Variants in LRP8 observed in about 807,000 individuals in gnomAD.
The protein encoded by LRP8 is LDL receptor related protein 8.
Under a neutral mutation model 111.6 loss-of-function variants are expected in LRP8, and 46 were observed. That is an observed-to-expected ratio of 0.41 (90% CI 0.33 to 0.53). The LOEUF (loss-of-function observed/expected upper bound fraction) is 0.53. Among genes scored for constraint, LRP8 ranks in the 20% least tolerant of loss-of-function variants. The probability of loss-of-function intolerance (pLI) is 0.20; values close to 1 mark genes in which losing one functional copy is unlikely to be tolerated. For synonymous variants in LRP8, 464 were observed against 511.2 expected (o/e 0.91, Z 1.24); for missense variants, 959 against 1,297.4 (o/e 0.74, Z 4.01).
intron 4 of LRP8, among the ~76,000 whole-genome samples, chr1:53,277,856 C>A (rs1646978361): frequency 6.6e-6 from 1 of 152,240 alleles, no homozygotes; most frequent in Non-Finnish European, 1.5e-5. Context: ...AGAATCCACA[C>A]TGCCTGGGGG....
At chr1:53,323,087 G>A (rs935196681) in intron 2 of LRP8, among the ~76,000 whole-genome samples, 8 of 152,254 alleles carry the variant, frequency 5.3e-5, no homozygotes, top group African/African-American at 1.4e-4. Context: ...AGGAGGAAGC[G>A]AGGTGGAGTA....
intron 2 of LRP8, among the ~76,000 whole-genome samples, chr1:53,296,444 C>T (rs1189878454): frequency 6.6e-6 from 1 of 152,202 alleles, no homozygotes; most frequent in Non-Finnish European, 1.5e-5. Flanking sequence ...CTGGCTCTGG[C>T]CCTAAGGCAG....
rs142333579 is a variant in LRP8, at chr1:53,262,488, G to A, written c.1732C>T (p.Leu578=). 6.2e-7 allele frequency: 1 copy of A among 1,614,068 alleles called. No individual in the cohort carries two copies. The highest frequency in any genetic ancestry group is 1.3e-5 in the African/African-American group (1 of 74,914). The change falls in exon 11 of 19, where the codon CTG becomes TTG. Residue 578 remains leucine (L), a synonymous_variant. Coordinates refer to ENST00000306052, the MANE Select transcript of LRP8 (RefSeq NM_004631.5). This position sits in a 1 kb window ranked among gnomAD's most constrained non-coding sequence, Gnocchi z 4.8. ...SGLNGVDRQT[L]VSDNIEWPNG... is the part of the protein sequence containing the mutation. ...GGCCATTCAATATTGTCTGACACCA[G>A]TGTTTGCCGGTCCACACCGTTGAGC...
At chr1:53,307,317 C>G (rs193008864) in intron 2 of LRP8, 1 of 152,274 alleles carries the variant, frequency 6.6e-6, no homozygotes, top group African/African-American at 2.4e-5. Flanking sequence ...ACTTGCCACA[C>G]TTACCCCGTC....
In LRP8 at chr1:53,317,696, T is replaced by G. The variant is rs978139065; in HGVS notation, c.244+9177A>C. Reference sequence around the variant, plus strand: ...AGGGCCAGGCTCTGGGCAAAGTACTTTCCTCAGCCCGCACACCTCCGGAAT... The same window carrying G: ...AGGGCCAGGCTCTGGGCAAAGTACTGTCCTCAGCCCGCACACCTCCGGAAT... On this transcript the variant is annotated intron_variant, in intron 2 of 18. Transcript: ENST00000306052. This position sits in a 1 kb window ranked among gnomAD's most constrained non-coding sequence, Gnocchi z 4.9. 6.6e-6 allele frequency among the ~76,000 whole-genome samples: 1 copy of G among 152,188 alleles called. No individual in the cohort carries two copies.
intron 2 of LRP8, among the ~76,000 whole-genome samples, chr1:53,310,143 A>T (rs930548721): frequency 6.6e-6 from 1 of 152,114 alleles, no homozygotes; most frequent in African/African-American, 2.4e-5. Context: ...GGACTACCCC[A>T]GTTGGAGTCT....
chr1:53,260,517 T>C lies in LRP8; in HGVS notation c.2003A>G (p.Asn668Ser). The change falls in exon 13 of 19, where the codon AAC becomes AGC. Residue 668 changes from asparagine (N) to serine (S), a missense_variant. Physicochemically the swap from Asn to Ser is conservative, Grantham distance 46. This residue lies in a region of LRP8 where 819 missense variants were observed against 1,097.6 expected (regional missense o/e 0.75). Transcript: ENST00000306052. ...NGLEISILAE[N>S]LNNPHDIVIF... ...GACAATGTCATGTGGGTTGTTGAGG[T>C]TCTCAGCCAGGATGGAGATTTCCAG... is the stretch of plus-strand genomic sequence containing the variant. The C allele has an allele frequency of 6.2e-7, 1 of 1,614,162 alleles. No individual in the cohort carries two copies. The highest frequency in any genetic ancestry group is 8.5e-7 in the Non-Finnish European group (1 of 1,180,022).
At chr1:53,313,824 C>T (rs1653421484) in intron 2 of LRP8, among the ~76,000 whole-genome samples, 1 of 152,122 alleles carries the variant, frequency 6.6e-6, no homozygotes, top group Non-Finnish European at 1.5e-5. Flanking sequence ...GAGGGGTGGG[C>T]GTCACTGCAG....
At chr1:53,277,763 G>A (rs1646974513) in intron 4 of LRP8, among the ~76,000 whole-genome samples, 1 of 152,228 alleles carries the variant, frequency 6.6e-6, no homozygotes, top group African/African-American at 2.4e-5. Context: ...TTCCCCGCTT[G>A]GGAAATCTCT....
Position 53,317,939 on chromosome 1 carries a change from C to G in LRP8, c.244+8934G>C, listed in dbSNP as rs927809949. Among the ~76,000 whole-genome samples the G allele has an allele frequency of 6.6e-6, 1 of 152,176 alleles. No individual in the cohort carries two copies. The highest frequency in any genetic ancestry group is 2.1e-4 in the South Asian group (1 of 4,822). On this transcript the variant is annotated intron_variant, in intron 2 of 18. Transcript: ENST00000306052. The surrounding 1 kb of genome is among the most constrained non-coding windows in gnomAD (Gnocchi z 4.9). Reference sequence around the variant, plus strand: ...CTGCCCAGAATCCAGCCCACCAAGCCAGCTATACTCCCCGCACTGTCACCA... The same window carrying G: ...CTGCCCAGAATCCAGCCCACCAAGCGAGCTATACTCCCCGCACTGTCACCA...
At position 53,277,066 on chromosome 1, in the gene LRP8, T is replaced by C; in HGVS notation, c.509A>G (p.His170Arg). The C allele has an allele frequency of 2.0e-6, 3 of 1,522,110 alleles. No individual in the cohort carries two copies. Among genetic ancestry groups the C allele is most frequent in the Non-Finnish European group, 2.6e-6 (3 of 1,140,290 alleles). The allele number at this position is 1,522,110 out of a possible 1,614,324, so 94.3% of individuals were successfully genotyped here. A position where few individuals can be genotyped will look rare whatever the true frequency, so the allele number is the denominator to read the frequency against. ...CGAGCGGTTGCCGCACTGGAACTCG[T>C]GCGGGGCGCACACTGCGCGGGACAG... Reference protein sequence around the residue: ...EAGCATLCAPHEFQCGNRSCL... With the variant: ...EAGCATLCAPREFQCGNRSCL... The change falls in exon 5 of 19, where the codon CAC (histidine) becomes CGC (arginine). Residue 170 changes from histidine (H) to arginine (R), a missense_variant. Physicochemically the swap from His to Arg is conservative, Grantham distance 29. Transcript: ENST00000306052.
rs770170606 is a variant in LRP8, at chr1:53,275,650, A to G, written c.987T>C (p.Asp329=). 1 of 1,614,022 alleles carries G rather than the reference A, an allele frequency of 6.2e-7. No individual in the cohort carries two copies. Among genetic ancestry groups the G allele is most frequent in the Admixed American group, 1.7e-5 (1 of 60,018 alleles). Reference sequence around the variant, plus strand: ...ACGCACCCTGTAGGCAGCCAGCTTCATCACTCCCATCTGGACAGTCCTGCT... The same window carrying G: ...ACGCACCCTGTAGGCAGCCAGCTTCGTCACTCCCATCTGGACAGTCCTGCT... The part of the protein sequence containing the change: ...NQEQDCPDGS[D]EAGCLQGLNE... Residue 329 remains aspartate (D), a synonymous_variant, in exon 6 of 19, where the codon GAT becomes GAC. Coordinates refer to ENST00000306052, the MANE Select transcript of LRP8 (RefSeq NM_004631.5). The surrounding 1 kb of genome is among the most constrained non-coding windows in gnomAD (Gnocchi z 4.4).
At chr1:53,288,767 C>T (rs1371567294) in intron 3 of LRP8, among the ~76,000 whole-genome samples, 1 of 152,214 alleles carries the variant, frequency 6.6e-6, no homozygotes, top group Non-Finnish European at 1.5e-5. Flanking sequence ...GCTCACGCTG[C>T]TGAAGCTCTG....
In LRP8 at chr1:53,310,073, C is replaced by T. The variant is rs1377798128; in HGVS notation, c.244+16800G>A. 8.5e-5 allele frequency among the ~76,000 whole-genome samples: 13 copies of T among 152,282 alleles called. No homozygotes were observed. The East Asian group carries it at 2.3e-3, about 27-fold the overall frequency. On this transcript the variant is annotated intron_variant, in intron 2 of 18. Transcript: ENST00000306052. Reference sequence around the variant, plus strand: ...AGCTCTGCCCCGGAGCATACCCACACCCTGGCCTTCAGGGGGACAGGAAGG... The same window carrying T: ...AGCTCTGCCCCGGAGCATACCCACATCCTGGCCTTCAGGGGGACAGGAAGG...
intron 2 of LRP8, among the ~76,000 whole-genome samples, chr1:53,290,864 G>A (rs921971613): frequency 2.0e-5 from 3 of 152,214 alleles, no homozygotes; most frequent in East Asian, 1.9e-4. Flanking sequence ...GTTGGAGACC[G>A]GGAAGGGGCC....
rs1298328164 is a variant in LRP8 at position 53,257,385 on chromosome 1, G to C, written c.2289C>G (p.Thr763=). ...TVPATTRAPG[T]TVHRSTYQNH... ...TCTGGTAGGTGGATCTGTGGACGGT[G>C]GTCCCGGGGGCTCTTGTGGTGGCAG... Residue 763 remains threonine, a synonymous_variant, in exon 15 of 19, where the codon ACC becomes ACG. Transcript: ENST00000306052. The C allele has an allele frequency of 6.2e-7, 1 of 1,614,140 alleles. No individual in the cohort carries two copies. The highest frequency in any genetic ancestry group is 8.5e-7 in the Non-Finnish European group (1 of 1,180,016).
At position 53,243,115 on chromosome 1, in the gene LRP8, GA is replaced by G. The variant is rs1475863191; in HGVS notation, c.*3902del. ...TTCGGGAAAAGGAATTATTTACTCTGAAACATTTAATGCTAACTCATTTATA... is the reference window on the plus strand; with the variant it reads ...TTCGGGAAAAGGAATTATTTACTCTGAACATTTAATGCTAACTCATTTATA... On this transcript the variant is annotated 3_prime_UTR_variant, in exon 19 of 19. Coordinates refer to ENST00000306052, the MANE Select transcript of LRP8 (RefSeq NM_004631.5). 3 of 152,086 alleles carry G rather than the reference GA, an allele frequency of 2.0e-5. No homozygotes were observed. Among genetic ancestry groups the G allele is most frequent in the Non-Finnish European group, 4.4e-5 (3 of 68,020 alleles). 9.4% of individuals were successfully genotyped at this position (152,086 alleles called of 1,614,324 possible). A position where few individuals can be genotyped will look rare whatever the true frequency, so the allele number is the denominator to read the frequency against.
intron 14 of LRP8, among the ~76,000 whole-genome samples, 197 bp from the exon 15 acceptor site, chr1:53,257,661 A>G (rs567741543): frequency 3.9e-5 from 6 of 152,340 alleles, no homozygotes; most frequent in Admixed American, 3.9e-4. Context: ...TTCAATAAAG[A>G]TGAGTCATTA....
intron 2 of LRP8, among the ~76,000 whole-genome samples, chr1:53,299,116 A>C (rs1170077124): frequency 1.3e-5 from 2 of 151,848 alleles, no homozygotes; most frequent in Non-Finnish European, 2.9e-5. Context: ...CGAATGATTG[A>C]GTGATGACCC....
Sources: allele counts gnomAD v4.1 joint callset (sites outside exome capture counted in the v4.1 genomes callset), GRCh38; gene constraint gnomAD v4.1.1; regional missense constraint gnomAD v4.1.1; non-coding constraint Gnocchi (gnomAD v3.1); transcripts MANE v1.5; gene names NCBI Gene and HGNC (gene_info 2026-07-23, HGNC 2026-07-21).